Variants in LINGO1 observed in about 807,000 individuals in gnomAD.
LINGO1 encodes leucine-rich repeat and immunoglobulin-like domain-containing nogo receptor-interacting protein 1.
LINGO1 carries 11 observed loss-of-function variants against 37.3 expected under a neutral mutation model. That is an observed-to-expected ratio of 0.29 (90% CI 0.19 to 0.49). The LOEUF (loss-of-function observed/expected upper bound fraction) is 0.49, where lower values mean the gene tolerates loss of function less well. LINGO1 is among the 20% of genes least tolerant of loss of function. The probability of loss-of-function intolerance (pLI) is 0.99; values close to 1 mark genes in which losing one functional copy is unlikely to be tolerated. For missense variants in LINGO1, 585 were observed against 878.2 expected (o/e 0.67, Z 4.22); for synonymous variants, 387 against 403.0 (o/e 0.96, Z 0.48).
At chr15:77,703,647 C>T (rs1471976594) in intron 2 of LINGO1, among the ~76,000 whole-genome samples, 1 of 152,124 alleles carries the variant, frequency 6.6e-6, no homozygotes, top group Admixed American at 6.5e-5. Context: ...AATCCAGGAC[C>T]ACAATGCTCA....
At chr15:77,698,247 C>T (rs1200142720), upstream of LINGO1, among the ~76,000 whole-genome samples, 1 of 152,230 alleles carries the variant, frequency 6.6e-6, no homozygotes, top group South Asian at 2.1e-4. Flanking sequence ...TCTGTCCAAA[C>T]AGCATCTTTA....
At chr15:77,629,039 T>A (rs2142579404) in intron 1 of LINGO1, among the ~76,000 whole-genome samples, 1 of 152,330 alleles carries the variant, frequency 6.6e-6, no homozygotes, top group Non-Finnish European at 1.5e-5. Context: ...ACGACCTCCC[T>A]TGAGGTGGAT....
chr15:77,640,827 C>CAT (rs2074487896), intron 3 of LINGO1, among the ~76,000 whole-genome samples: 1 of 150,484 alleles, frequency 6.6e-6, no homozygotes, highest in Non-Finnish European at 1.5e-5. Flanking sequence ...CATTCATCTC[C>CAT]TCATTCATTC....
At chr15:77,646,551 C>G in intron 3 of LINGO1, 1 of 403,356 alleles carries the variant, frequency 2.5e-6, no homozygotes, top group Non-Finnish European at 5.0e-6. Flanking sequence ...AGGCAGGAAC[C>G]TGGGGTTTCC....
intron 1 of LINGO1, among the ~76,000 whole-genome samples, chr15:77,626,017 G>A (rs1210445778): frequency 6.6e-6 from 1 of 152,136 alleles, no homozygotes; most frequent in Non-Finnish European, 1.5e-5. Flanking sequence ...GGAAACTGAG[G>A]CTCTGAGCCA....
chr15:77,774,662 C>G (rs1239677280), intron 1 of LINGO1, among the ~76,000 whole-genome samples: 1 of 152,168 alleles, frequency 6.6e-6, no homozygotes, highest in Admixed American at 6.5e-5. Flanking sequence ...ATCAGCCCAT[C>G]CAGTTTGGGG....
chr15:77,712,088 T>A (rs1025223013), intron 2 of LINGO1, among the ~76,000 whole-genome samples: 1 of 152,106 alleles, frequency 6.6e-6, no homozygotes, highest in Non-Finnish European at 1.5e-5. Flanking sequence ...CACAGAGGGC[T>A]CCTGTCTGTC....
upstream of LINGO1, chr15:77,634,427 C>G (rs916026728): frequency 4.5e-6 from 2 of 440,198 alleles, no homozygotes; most frequent in Admixed American, 2.4e-5. Context: ...TAGCAGGCGT[C>G]CATGCTATGC....
At chr15:77,794,071 C>T (rs1179027297) in intron 2 of LINGO1, among the ~76,000 whole-genome samples, 1 of 152,130 alleles carries the variant, frequency 6.6e-6, no homozygotes, top group Non-Finnish European at 1.5e-5. Context: ...TGCCCCCGGG[C>T]TGTGGTGCCT....
chr15:77,616,463 C>A (rs115578523), intron 1 of LINGO1, among the ~76,000 whole-genome samples: 2,023 of 152,276 alleles, frequency 0.013, 48 homozygotes, highest in African/African-American at 0.045. Context: ...GAGTCTCCCC[C>A]GGTGCAGACG....
chr15:77,732,253 G>C (rs1256044502), intron 2 of LINGO1, among the ~76,000 whole-genome samples: 1 of 152,224 alleles, frequency 6.6e-6, no homozygotes, highest in African/African-American at 2.4e-5. Flanking sequence ...CAGAGGGCTG[G>C]CAGAAAGAGC....
intron 1 of LINGO1, among the ~76,000 whole-genome samples, chr15:77,809,167 A>C (rs543798176): frequency 3.6e-4 from 55 of 152,290 alleles, no homozygotes; most frequent in African/African-American, 1.3e-3. Context: ...AGGTGAATGG[A>C]GGTTCAGCCT....
At chr15:77,636,660 T>G (rs1268360583), upstream of LINGO1, among the ~76,000 whole-genome samples, 1 of 152,026 alleles carries the variant, frequency 6.6e-6, no homozygotes, top group Non-Finnish European at 1.5e-5. Flanking sequence ...GGGCCAAAGT[T>G]TCCCCAGCTA....
At chr15:77,720,075 C>T (rs2076032512) in intron 2 of LINGO1, among the ~76,000 whole-genome samples, 1 of 150,012 alleles carries the variant, frequency 6.7e-6, no homozygotes, top group South Asian at 2.2e-4. Flanking sequence ...CTTGCATCCA[C>T]CTCTTCTAGC....
chr15:77,794,722 G>A (rs904890606), intron 2 of LINGO1, among the ~76,000 whole-genome samples: 1 of 151,176 alleles, frequency 6.6e-6, no homozygotes, highest in South Asian at 2.1e-4. Flanking sequence ...CGAGTAGCTG[G>A]GACTACAGGC....
chr15:77,652,058 T>TA (rs2074769206), intron 3 of LINGO1: 1 of 152,168 alleles, frequency 6.6e-6, no homozygotes, highest in African/African-American at 2.4e-5. Context: ...TCTGAGCAGA[T>TA]GTCTCCCTAC....
At chr15:77,713,210 TTGTG>T (rs57831674) in intron 2 of LINGO1, among the ~76,000 whole-genome samples, 2,105 of 123,766 alleles carry the variant, frequency 0.017, 22 homozygotes, top group South Asian at 0.037. Context: ...GCCCAGCTAA[TTGTG>T]TGTGTGTGTG....
At chr15:77,708,210 A>G (rs1215745791) in intron 2 of LINGO1, among the ~76,000 whole-genome samples, 1 of 152,230 alleles carries the variant, frequency 6.6e-6, no homozygotes, top group Non-Finnish European at 1.5e-5. Context: ...GAGTTTCCAC[A>G]TATAAAAGGC....
intron 1 of LINGO1, among the ~76,000 whole-genome samples, chr15:77,817,409 A>G (rs4304989): frequency 0.097 from 14,812 of 152,156 alleles, 772 homozygotes; most frequent in Middle Eastern, 0.14. Context: ...TTGGGGCCCA[A>G]ACACAAGGAC....
Sources: allele counts gnomAD v4.1 joint callset (sites outside exome capture counted in the v4.1 genomes callset), GRCh38; gene constraint gnomAD v4.1.1; transcripts MANE v1.5; gene names NCBI Gene and HGNC (gene_info 2026-07-23, HGNC 2026-07-21).